Variants in AK5 observed in about 807,000 individuals in gnomAD.
AK5 encodes adenylate kinase 5, also known as adenylate kinase isoenzyme 5.
In AK5, 27 loss-of-function variants were observed where a neutral mutation model predicts 69.5. The observed-to-expected ratio is 0.39, with a 90% confidence interval of 0.29 to 0.54. The LOEUF (loss-of-function observed/expected upper bound fraction) is 0.54, where lower values mean the gene tolerates loss of function less well. Ranked by LOEUF, AK5 falls within the 20% of genes least tolerant of loss-of-function variation. The probability of loss-of-function intolerance (pLI) is 0.71; values close to 1 mark genes in which losing one functional copy is unlikely to be tolerated. For synonymous variants in AK5, 260 were observed against 244.4 expected (o/e 1.06, Z -0.60); for missense variants, 531 against 700.4 (o/e 0.76, Z 2.73).
chr1:77,310,269 T>A, intron 5 of AK5, among the ~76,000 whole-genome samples: 1 of 152,316 alleles, frequency 6.6e-6, no homozygotes, highest in East Asian at 1.9e-4. Context: ...CTCTATTCAG[T>A]TCTTTCTTCT....
Position 77,420,143 on chromosome 1 carries a change from G to C in AK5, c.1059+2428G>C, listed in dbSNP as rs543046760. Among the ~76,000 whole-genome samples, 9 of 151,892 alleles carry C rather than the reference G, an allele frequency of 5.9e-5. 1 individual carries two copies. The highest frequency in any genetic ancestry group is 2.2e-4 in the African/African-American group (9 of 41,480). ...AGAGGTGATAAACTCTATGAGAAAA[G>C]AAAGTAGAAAAGGTAAGGGGGTTAG... On this transcript the variant is annotated intron_variant, in intron 8 of 13. Coordinates refer to ENST00000354567, the MANE Select transcript of AK5 (RefSeq NM_174858.3).
At position 77,440,743 on chromosome 1, in the gene AK5, C is replaced by CT. The variant is rs888431945; in HGVS notation, c.1059+23039dup. Among the ~76,000 whole-genome samples, 208 of 150,310 alleles carry CT rather than the reference C, an allele frequency of 1.4e-3. 1 individual carries two copies. The highest frequency in any genetic ancestry group is 3.7e-3 in the African/African-American group (151 of 40,864). On this transcript the variant is annotated intron_variant, in intron 8 of 13. Transcript: ENST00000354567. ...TGGCCTATATTCAAGTTCAGAGGCT[C>CT]TTTTTTTTTTTGTTGTTTTGTTTTT...
intron 5 of AK5, among the ~76,000 whole-genome samples, chr1:77,330,195 C>T (rs1331413439): frequency 6.6e-6 from 1 of 152,170 alleles, no homozygotes; most frequent in Non-Finnish European, 1.5e-5. Context: ...TTTTCTTACT[C>T]TTAATGGAGT....
At chr1:77,326,535 C>G (rs531222917) in intron 5 of AK5, among the ~76,000 whole-genome samples, 3 of 151,738 alleles carry the variant, frequency 2.0e-5, no homozygotes, top group Non-Finnish European at 2.9e-5. Flanking sequence ...ATTTTCCATT[C>G]AGTAGGTTTG....
intron 3 of AK5, 134 bp from the exon 4 acceptor site, chr1:77,297,425 A>G: frequency 1.4e-6 from 1 of 710,768 alleles, no homozygotes; most frequent in South Asian, 2.6e-5. Flanking sequence ...CAGCACTGAG[A>G]ATGCCACAAA....
At chr1:77,535,354 C>G (rs2100355652) in intron 12 of AK5, among the ~76,000 whole-genome samples, 1 of 152,248 alleles carries the variant, frequency 6.6e-6, no homozygotes, top group Non-Finnish European at 1.5e-5. Context: ...GGGTTTGACC[C>G]TAAGCAGCCT....
At chr1:77,475,416 TA>T (rs1654835336) in intron 8 of AK5, among the ~76,000 whole-genome samples, 73 of 3,652 alleles carry the variant, frequency 0.02, 1 homozygote, top group Non-Finnish European at 0.11. Flanking sequence ...TGTATATATA[TA>T]CTATATATTA....
At chr1:77,524,025 C>T (rs1332155131) in intron 12 of AK5, among the ~76,000 whole-genome samples, 1 of 152,168 alleles carries the variant, frequency 6.6e-6, no homozygotes, top group East Asian at 1.9e-4. Flanking sequence ...TTCTTCCTAT[C>T]TCTGTGAATT....
chr1:77,348,236 C>T (rs919906165), intron 6 of AK5, among the ~76,000 whole-genome samples: 6 of 152,080 alleles, frequency 3.9e-5, no homozygotes, highest in African/African-American at 1.4e-4. Context: ...AACTATAAAA[C>T]AAATAATGTG....
In AK5 at chr1:77,356,856, G is replaced by A. The variant is rs1196460029; in HGVS notation, c.891+16288G>A. Among the ~76,000 whole-genome samples, 9 of 152,296 alleles carry A rather than the reference G, an allele frequency of 5.9e-5. No homozygotes were observed. The South Asian group carries it at 1.9e-3, about 32-fold the overall frequency. On this transcript the variant is annotated intron_variant, in intron 6 of 13. Transcript: ENST00000354567. Reference sequence around the variant, plus strand: ...GTGGTATTTTTAAAATCTCAGGAAAGTGGCTCCCACAGCTCCTATGAAATG... The same window carrying A: ...GTGGTATTTTTAAAATCTCAGGAAAATGGCTCCCACAGCTCCTATGAAATG...
At chr1:77,344,957 T>A (rs76237461) in intron 6 of AK5, among the ~76,000 whole-genome samples, 1 of 149,628 alleles carries the variant, frequency 6.7e-6, no homozygotes, top group East Asian at 2.0e-4. Context: ...TATGCAATTT[T>A]GTTTATTTTT....
intron 6 of AK5, among the ~76,000 whole-genome samples, chr1:77,390,025 C>T (rs576905829): frequency 6.6e-6 from 1 of 152,186 alleles, no homozygotes; most frequent in East Asian, 1.9e-4. Context: ...GACTTCAAGC[C>T]TTTGGTCTGT....
intron 6 of AK5, among the ~76,000 whole-genome samples, chr1:77,400,237 C>T (rs965377222): frequency 1.3e-5 from 2 of 152,170 alleles, no homozygotes; most frequent in Non-Finnish European, 2.9e-5. Context: ...TCTGATCCTG[C>T]CAGCCTTGGC....
At chr1:77,377,658 G>A (rs772328792) in intron 6 of AK5, among the ~76,000 whole-genome samples, 17 of 152,106 alleles carry the variant, frequency 1.1e-4, no homozygotes, top group Non-Finnish European at 8.8e-5. Context: ...TATCTCTTGG[G>A]TAAAATGAGG....
rs201593269 is a variant in AK5, at chr1:77,508,128, TA to T, written c.1148-10427del. Among the ~76,000 whole-genome samples the T allele has an allele frequency of 1.9e-3, 287 of 151,802 alleles. 3 individuals are homozygous for T. Among genetic ancestry groups the T allele is most frequent in the African/African-American group, 6.7e-3 (276 of 41,432 alleles). ...TAAGTATAATGCAAGTATCCCAAAA[TA>T]AAAAAAAATTAAAATATAAAACACT... On this transcript the variant is annotated intron_variant, in intron 10 of 13. Coordinates refer to ENST00000354567, the MANE Select transcript of AK5 (RefSeq NM_174858.3).
intron 6 of AK5, chr1:77,346,113 CT>C (rs1270919375): frequency 6.6e-6 from 1 of 152,046 alleles, no homozygotes; most frequent in African/African-American, 2.4e-5. Context: ...GTTCTTCATT[CT>C]TGTTATCTTC....
intron 6 of AK5, among the ~76,000 whole-genome samples, chr1:77,366,196 G>A (rs1230226465): frequency 6.6e-6 from 1 of 152,102 alleles, no homozygotes; most frequent in African/African-American, 2.4e-5. Context: ...AAAAAAACAA[G>A]TTTTATAGTC....
At chr1:77,441,149 T>C (rs1391427853) in intron 8 of AK5, among the ~76,000 whole-genome samples, 2 of 152,184 alleles carry the variant, frequency 1.3e-5, no homozygotes, top group Non-Finnish European at 2.9e-5. Context: ...TTCTGTTTGG[T>C]TTTTTAAATG....
intron 6 of AK5, among the ~76,000 whole-genome samples, chr1:77,367,568 TA>T (rs1300625996): frequency 1.2e-4 from 1 of 8,320 alleles, no homozygotes; most frequent in Non-Finnish European, 3.2e-4. Context: ...TATATATATA[TA>T]TATATATATA....
Sources: gnomAD v4.1 joint callset for allele counts (sites outside exome capture counted in the v4.1 genomes callset) on GRCh38, gnomAD v4.1.1 for gene constraint, MANE v1.5 for transcripts, NCBI Gene and HGNC (gene_info 2026-07-23, HGNC 2026-07-21) for gene names.